The following SMG6 variants were observed in gnomAD, a reference collection of about 807,000 sequenced individuals.
The protein encoded by SMG6 is SMG6 nonsense mediated mRNA decay factor.
A neutral mutation model predicts 142.2 loss-of-function variants in SMG6; 66 were observed. That is an observed-to-expected ratio of 0.46 (90% confidence interval 0.38 to 0.57). SMG6 has a LOEUF of 0.57. Among genes scored for constraint, SMG6 ranks in the 20% least tolerant of loss-of-function variants. SMG6 has a pLI of 0.00. For synonymous variants in SMG6, 779 were observed against 702.4 expected, an observed-to-expected ratio of 1.11 and a Z score of -1.72; for missense variants, 1,793 against 1,832.0, an observed-to-expected ratio of 0.98 and a Z score of 0.39.
intron 10 of SMG6, among the ~76,000 whole-genome samples, chr17:2,205,812 T>C (rs1485498926): frequency 6.6e-6 from 1 of 152,176 alleles, no homozygotes; most frequent in Non-Finnish European, 1.5e-5. Context: ...TGTGTATATA[T>C]ATTTTTTTTC....
chr17:2,212,533 G>C (rs544468012), intron 10 of SMG6: 2 of 152,342 alleles, frequency 1.3e-5, no homozygotes, highest in South Asian at 4.1e-4. Context: ...CTGACCTTCA[G>C]TTTTCAAACC....
Position 2,146,459 on chromosome 17 carries a change from G to A in SMG6, c.3357+26199C>T, listed in dbSNP as rs558684575. Among the ~76,000 whole-genome samples the A allele has an allele frequency of 2.6e-5, 4 of 152,280 alleles. No homozygotes were observed. In the South Asian group the frequency reaches 6.2e-4, roughly 24 times the overall value. ...CCTACCAAAGAAACATACAGCCTTT[G>A]GTCTAAGACAAAAAGACTAAATTTG... On this transcript the variant is annotated intron_variant, in intron 13 of 18. Transcript: ENST00000263073.
intron 10 of SMG6, among the ~76,000 whole-genome samples, chr17:2,234,123 C>T (rs948033296): frequency 1.3e-5 from 2 of 152,084 alleles, no homozygotes; most frequent in Admixed American, 6.5e-5. Flanking sequence ...CTAGAGGGTA[C>T]TCGTTATGAC....
chr17:2,220,563 G>A (rs184343139), intron 10 of SMG6, among the ~76,000 whole-genome samples: 174 of 152,280 alleles, frequency 1.1e-3, no homozygotes, highest in Middle Eastern at 6.8e-3. Flanking sequence ...CCAAGAGTTC[G>A]AGGCTGCAGT....
intron 12 of SMG6, among the ~76,000 whole-genome samples, chr17:2,173,926 A>G (rs1192747682): frequency 7.1e-6 from 1 of 140,564 alleles, no homozygotes; most frequent in Non-Finnish European, 1.5e-5. Flanking sequence ...TGCCAAGGCT[A>G]CAGACTTGGC....
rs17221357 is a variant in SMG6 at position 2,213,528 on chromosome 17, G to A, written c.2869+22964C>T. 6.2e-3 allele frequency among the ~76,000 whole-genome samples: 948 copies of A among 152,204 alleles called. 23 individuals carry two copies. Among genetic ancestry groups the A allele is most frequent in the East Asian group, 0.054 (278 of 5,184 alleles). On this transcript the variant is annotated intron_variant, in intron 10 of 18. Transcript: ENST00000263073. Reference sequence around the variant, plus strand: ...CATTCTTGAGGGTGTAATAACCATGGGCTGTAGCACACATGTTGAGGGATG... The same window carrying A: ...CATTCTTGAGGGTGTAATAACCATGAGCTGTAGCACACATGTTGAGGGATG...
intron 13 of SMG6, among the ~76,000 whole-genome samples, chr17:2,153,550 T>C (rs2070890710): frequency 1.3e-5 from 2 of 152,198 alleles, no homozygotes; most frequent in Non-Finnish European, 2.9e-5. Flanking sequence ...AGGGGTAAAC[T>C]GGTGGAACGC....
At chr17:2,119,641 A>G (rs907233025) in intron 13 of SMG6, among the ~76,000 whole-genome samples, 6 of 151,544 alleles carry the variant, frequency 4.0e-5, no homozygotes, top group African/African-American at 1.5e-4. Context: ...TTGGGATTAC[A>G]GGCATGTACC....
At chr17:2,156,232 A>G (rs1261514277) in intron 13 of SMG6, among the ~76,000 whole-genome samples, 1 of 151,002 alleles carries the variant, frequency 6.6e-6, no homozygotes, top group East Asian at 1.9e-4. Flanking sequence ...TCTACTAAAA[A>G]TACAAAAAAA....
chr17:2,173,053 T>C, intron 12 of SMG6, 194 bp from the exon 13 acceptor site: 2 of 604,244 alleles, frequency 3.3e-6, no homozygotes, highest in South Asian at 4.1e-5. Flanking sequence ...TGTATGTGGA[T>C]TTATGCAAAG....
At chr17:2,112,521 T>TAAAA (rs1372261467) in intron 13 of SMG6, among the ~76,000 whole-genome samples, 1 of 90,372 alleles carries the variant, frequency 1.1e-5, no homozygotes, top group African/African-American at 5.0e-5. Context: ...AAAAATAAAA[T>TAAAA]AAAAAATAAA....
At chr17:2,275,585 C>T (rs761560444) in intron 8 of SMG6, among the ~76,000 whole-genome samples, 11 of 152,160 alleles carry the variant, frequency 7.2e-5, no homozygotes, top group Non-Finnish European at 1.6e-4. Flanking sequence ...CTATCAGAGA[C>T]CCTTGCTTTT....
intron 13 of SMG6, among the ~76,000 whole-genome samples, chr17:2,162,702 T>G (rs565936520): frequency 3.9e-5 from 6 of 152,126 alleles, no homozygotes; most frequent in African/African-American, 1.4e-4. Flanking sequence ...TTCACTTATA[T>G]CCAGTCATCC....
intron 18 of SMG6, chr17:2,062,438 C>A (rs1325701307): frequency 6.6e-6 from 1 of 152,132 alleles, no homozygotes; most frequent in South Asian, 2.1e-4. Flanking sequence ...GCCACACTTT[C>A]AGAGTATATA....
chr17:2,180,937 G>A (rs534433907), intron 12 of SMG6, among the ~76,000 whole-genome samples: 4 of 152,146 alleles, frequency 2.6e-5, no homozygotes, highest in African/African-American at 7.2e-5. Flanking sequence ...TGCCAAGAAG[G>A]GGCACTAAAC....
At chr17:2,246,052 A>G (rs563877872) in intron 8 of SMG6, among the ~76,000 whole-genome samples, 3 of 152,348 alleles carry the variant, frequency 2.0e-5, no homozygotes, top group South Asian at 4.1e-4. Flanking sequence ...TTTAAGCATT[A>G]AAGAAGCCAA....
At position 2,253,386 on chromosome 17, in the gene SMG6, G is replaced by A. The variant is rs149037981; in HGVS notation, c.2662-8667C>T. On this transcript the variant is annotated intron_variant, in intron 8 of 18. Coordinates refer to ENST00000263073, the MANE Select transcript of SMG6 (RefSeq NM_017575.5). ...TCTCGATCTCCTGACCTCCTGATCC[G>A]CCCGCCTCGGTCTCCCAAAGTAGCC... Among the ~76,000 whole-genome samples the A allele has an allele frequency of 5.3e-5, 8 of 152,064 alleles. No individual in the cohort carries two copies. In the East Asian group the frequency reaches 5.8e-4, roughly 11 times the overall value.
intron 9 of SMG6, chr17:2,237,658 C>A (rs1752747161): frequency 1.4e-6 from 1 of 705,328 alleles, no homozygotes; most frequent in Non-Finnish European, 1.7e-6. Context: ...CGCAGGGAGG[C>A]AGAAATCTAG....
Position 2,148,454 on chromosome 17 carries a change from G to A in SMG6, c.3357+24204C>T, listed in dbSNP as rs1354894698. Among the ~76,000 whole-genome samples, 9 of 152,236 alleles carry A rather than the reference G, an allele frequency of 5.9e-5. No homozygotes were observed. In the East Asian group the frequency reaches 1.2e-3, roughly 20 times the overall value. On this transcript the variant is annotated intron_variant, in intron 13 of 18. Transcript: ENST00000263073. ...TTAAAAAGAAATGAACTTTTGCCACGTGCTACGGCACGGATAAAACGTGAA... is the reference window on the plus strand; with the variant it reads ...TTAAAAAGAAATGAACTTTTGCCACATGCTACGGCACGGATAAAACGTGAA...
Sources: gnomAD v4.1 joint callset for allele counts (sites outside exome capture counted in the v4.1 genomes callset) on GRCh38, gnomAD v4.1.1 for gene constraint, MANE v1.5 for transcripts, NCBI Gene and HGNC (gene_info 2026-07-23, HGNC 2026-07-21) for gene names.